MTUS2: variants seen among roughly 807,000 people sequenced by gnomAD.
The protein encoded by MTUS2 is microtubule-associated tumor suppressor candidate 2.
A neutral mutation model predicts 114.1 loss-of-function variants in MTUS2; 40 were observed. The ratio of observed to expected loss-of-function variants is 0.35; its 90% CI spans 0.27 to 0.46. MTUS2 has a LOEUF of 0.46. MTUS2 is among the 20% of genes least tolerant of loss of function. The probability of loss-of-function intolerance (pLI) is 1.00; values close to 1 mark genes in which losing one functional copy is unlikely to be tolerated. For missense variants in MTUS2, 1,679 were observed against 1,705.4 expected (o/e 0.98, Z 0.27); for synonymous variants, 688 against 672.0 (o/e 1.02, Z -0.37).
intron 5 of MTUS2, among the ~76,000 whole-genome samples, chr13:29,230,638 T>C (rs1416514755): frequency 6.6e-6 from 1 of 152,234 alleles, no homozygotes; most frequent in East Asian, 1.9e-4. Flanking sequence ...CATGTGATAA[T>C]GAGAAATGTC....
At chr13:29,191,009 G>T (rs371592391) in intron 5 of MTUS2, among the ~76,000 whole-genome samples, 95 of 152,268 alleles carry the variant, frequency 6.2e-4, no homozygotes, top group African/African-American at 2.1e-3. Context: ...CCTGTGCAGA[G>T]AAGTGAGCGG....
intron 4 of MTUS2, among the ~76,000 whole-genome samples, chr13:29,057,962 C>T (rs576355615): frequency 1.3e-5 from 2 of 152,174 alleles, no homozygotes; most frequent in Admixed American, 6.5e-5. Flanking sequence ...GTAGCACTCC[C>T]TTAAGGACCT....
intron 2 of MTUS2, among the ~76,000 whole-genome samples, chr13:28,847,226 G>A (rs1875947799): frequency 6.6e-6 from 1 of 152,164 alleles, no homozygotes; most frequent in Non-Finnish European, 1.5e-5. Flanking sequence ...GAACAATATA[G>A]AGTTTCTGAC....
At chr13:28,838,290 A>G (rs1352544330) in intron 1 of MTUS2, among the ~76,000 whole-genome samples, 3 of 152,180 alleles carry the variant, frequency 2.0e-5, no homozygotes, top group African/African-American at 7.2e-5. Context: ...AATTTTCTAT[A>G]TCTGGGGTAC....
intron 2 of MTUS2, among the ~76,000 whole-genome samples, chr13:28,938,435 TA>T (rs1882043048): frequency 6.6e-6 from 1 of 152,060 alleles, no homozygotes; most frequent in Admixed American, 6.5e-5. Flanking sequence ...AAAAAGAATA[TA>T]TATAGTCTTA....
At chr13:29,440,870 G>A (rs7984403) in intron 9 of MTUS2, among the ~76,000 whole-genome samples, 52,236 of 151,992 alleles carry the variant, frequency 0.34, 10,441 homozygotes, top group Non-Finnish European at 0.46. Flanking sequence ...CCAGCCATGC[G>A]GATAGGCAGA....
chr13:29,394,924 C>A (rs1396162398), intron 8 of MTUS2, among the ~76,000 whole-genome samples: 2 of 152,156 alleles, frequency 1.3e-5, no homozygotes, highest in Admixed American at 6.5e-5. Flanking sequence ...AAACACCCCC[C>A]ACCCGCCTGT....
At chr13:29,326,899 G>T (rs1373309953) in intron 7 of MTUS2, among the ~76,000 whole-genome samples, 1 of 152,120 alleles carries the variant, frequency 6.6e-6, no homozygotes, top group Non-Finnish European at 1.5e-5. Context: ...AGTATCATTT[G>T]AACCTGGGAG....
At chr13:29,411,043 G>A (rs140297469) in intron 8 of MTUS2, among the ~76,000 whole-genome samples, 116 of 152,260 alleles carry the variant, frequency 7.6e-4, no homozygotes, top group African/African-American at 2.7e-3. Context: ...TGTTGGCCCA[G>A]CTGGTGTTGA....
rs191787937 is a variant in MTUS2 at position 28,917,582 on chromosome 13, T to C, written c.-243+77732T>C. Reference sequence around the variant, plus strand: ...AGTTGTAATGTCTTTTTTTTTTCATTTCTGATTTTATTTGTTCGGGTAGTC... The same window carrying C: ...AGTTGTAATGTCTTTTTTTTTTCATCTCTGATTTTATTTGTTCGGGTAGTC... On this transcript the variant is annotated intron_variant, in intron 2 of 15. Transcript: ENST00000612955. 3.2e-4 allele frequency among the ~76,000 whole-genome samples: 48 copies of C among 151,900 alleles called. 1 individual carries two copies. In the East Asian group the frequency reaches 6.4e-3, roughly 20 times the overall value.
At chr13:29,269,368 T>C (rs1034495630) in intron 5 of MTUS2, among the ~76,000 whole-genome samples, 17 of 152,322 alleles carry the variant, frequency 1.1e-4, no homozygotes, top group Admixed American at 1.1e-3. Context: ...TTATTGGTTT[T>C]ACATTCCTCA....
At chr13:28,885,010 T>G (rs1385219844) in intron 2 of MTUS2, among the ~76,000 whole-genome samples, 4 of 152,178 alleles carry the variant, frequency 2.6e-5, no homozygotes, top group Admixed American at 1.3e-4. Context: ...AAGTTTTTTT[T>G]AAGGTAAGGG....
At chr13:28,882,822 T>A (rs140901021) in intron 2 of MTUS2, among the ~76,000 whole-genome samples, 1 of 152,184 alleles carries the variant, frequency 6.6e-6, no homozygotes, top group East Asian at 1.9e-4. Flanking sequence ...CAAGCCACAG[T>A]TAGAAACTTT....
At chr13:28,882,865 G>A (rs1017869976) in intron 2 of MTUS2, among the ~76,000 whole-genome samples, 6 of 152,130 alleles carry the variant, frequency 3.9e-5, no homozygotes, top group Admixed American at 3.3e-4. Flanking sequence ...ATGAAAAGAC[G>A]AGCTACAGAC....
intron 2 of MTUS2, among the ~76,000 whole-genome samples, chr13:28,985,971 C>A (rs529011971): frequency 5.3e-5 from 8 of 152,278 alleles, no homozygotes; most frequent in African/African-American, 1.9e-4. Flanking sequence ...ATTGTGCGAG[C>A]TAATTCTTTA....
intron 5 of MTUS2, among the ~76,000 whole-genome samples, chr13:29,118,783 A>G (rs1469903213): frequency 6.6e-6 from 1 of 152,126 alleles, no homozygotes; most frequent in Non-Finnish European, 1.5e-5. Context: ...ACTATAGGAG[A>G]GTGGGCATCT....
chr13:29,393,590 G>T (rs1230385483), intron 8 of MTUS2, among the ~76,000 whole-genome samples: 7 of 152,180 alleles, frequency 4.6e-5, no homozygotes, highest in African/African-American at 1.7e-4. Flanking sequence ...ACAGTTCTCA[G>T]TGACACTGAA....
At chr13:29,467,777 A>G (rs2138825234) in intron 9 of MTUS2, among the ~76,000 whole-genome samples, 1 of 152,346 alleles carries the variant, frequency 6.6e-6, no homozygotes, top group Admixed American at 6.5e-5. Flanking sequence ...ACACAGGATC[A>G]GTCATTATCC....
chr13:29,148,476 T>TCCTGCCTTAG (rs1313550522), intron 5 of MTUS2, among the ~76,000 whole-genome samples: 49 of 104,464 alleles, frequency 4.7e-4, no homozygotes, highest in East Asian at 1.1e-3. Context: ...GGTTTTCTTT[T>TCCTGCCTTAG]TTTTTTTTTT....
Sources: gnomAD v4.1 joint callset for allele counts (sites outside exome capture counted in the v4.1 genomes callset) on GRCh38, gnomAD v4.1.1 for gene constraint, MANE v1.5 for transcripts, NCBI Gene and HGNC (gene_info 2026-07-23, HGNC 2026-07-21) for gene names.